Variants in KCNQ1 observed in about 807,000 individuals in gnomAD.
KCNQ1 encodes the protein potassium voltage-gated channel subfamily Q member 1, also known as potassium voltage-gated channel subfamily KQT member 1.
Under a neutral mutation model 72.4 loss-of-function variants are expected in KCNQ1, and 49 were observed. That is an observed-to-expected ratio of 0.68 (90% CI 0.54 to 0.86). KCNQ1 has a LOEUF of 0.86. Ranked by LOEUF, KCNQ1 falls within the 40% of genes least tolerant of loss-of-function variation. KCNQ1 has a pLI of 0.00. For missense variants in KCNQ1, 790 were observed against 945.1 expected (o/e 0.84, Z 2.15); for synonymous variants, 450 against 412.6 (o/e 1.09, Z -1.10).
Position 2,673,698 on chromosome 11 carries a change from G to T in KCNQ1, c.1514+11617G>T. ...TTTCCTATAAATGTTTAATTCCTGA[G>T]GTTGCTGAATCTCAGGGCTTGGAAG... On this transcript the variant is annotated intron_variant, in intron 11 of 15. Coordinates refer to ENST00000155840, the MANE Select transcript of KCNQ1 (RefSeq NM_000218.3). This position sits in a 1 kb window ranked among gnomAD's most constrained non-coding sequence, Gnocchi z 4.5. 2.5e-6 allele frequency: 1 copy of T among 398,614 alleles called. No individual in the cohort carries two copies. Among genetic ancestry groups the T allele is most frequent in the South Asian group, 1.3e-4 (1 of 7,850 alleles). 24.7% of individuals were successfully genotyped at this position (398,614 alleles called of 1,614,324 possible).
intron 10 of KCNQ1, among the ~76,000 whole-genome samples, chr11:2,594,462 C>T (rs1848709059): frequency 6.6e-6 from 1 of 152,168 alleles, no homozygotes; most frequent in African/African-American, 2.4e-5. Context: ...TTATGTCTTT[C>T]ATCAACCGTG....
chr11:2,799,937 G>A (rs1225104390), intron 15 of KCNQ1, among the ~76,000 whole-genome samples: 1 of 152,140 alleles, frequency 6.6e-6, no homozygotes, highest in African/African-American at 2.4e-5. Flanking sequence ...GTCTACCTGG[G>A]CGACCCCATT....
intron 11 of KCNQ1, among the ~76,000 whole-genome samples, chr11:2,747,755 G>A (rs1846162879): frequency 6.6e-6 from 1 of 152,170 alleles, no homozygotes. Flanking sequence ...AGGACTGGTT[G>A]CCCACAGGGA....
At chr11:2,523,751 G>GTTGT (rs761576167) in intron 1 of KCNQ1, among the ~76,000 whole-genome samples, 3 of 115,150 alleles carry the variant, frequency 2.6e-5, no homozygotes, top group Non-Finnish European at 5.1e-5. Flanking sequence ...GAAGTTTACA[G>GTTGT]TTTTTTTTTT....
At chr11:2,561,833 G>A (rs1848172050) in intron 2 of KCNQ1, among the ~76,000 whole-genome samples, 1 of 152,230 alleles carries the variant, frequency 6.6e-6, no homozygotes, top group Non-Finnish European at 1.5e-5. Context: ...AGGTGGGCCT[G>A]TTCCAGGCTA....
intron 11 of KCNQ1, among the ~76,000 whole-genome samples, chr11:2,763,401 A>AG (rs935487545): frequency 6.9e-5 from 5 of 72,228 alleles, no homozygotes; most frequent in Non-Finnish European, 1.4e-4. Flanking sequence ...CCATCTTAGA[A>AG]GAAAAAAAAA....
At chr11:2,452,362 C>T (rs1341720363) in intron 1 of KCNQ1, among the ~76,000 whole-genome samples, 2 of 152,102 alleles carry the variant, frequency 1.3e-5, no homozygotes, top group East Asian at 3.9e-4. Context: ...TGGAGACAGC[C>T]CAGCTGCACT....
Position 2,450,127 on chromosome 11 carries a change from A to G in KCNQ1, c.386+4643A>G, listed in dbSNP as rs1054427642. Among the ~76,000 whole-genome samples the G allele has an allele frequency of 2.0e-5, 3 of 152,160 alleles. No individual in the cohort carries two copies. Among genetic ancestry groups the G allele is most frequent in the African/African-American group, 7.2e-5 (3 of 41,438 alleles). ...TGGACGAGCCCTCCGTAGCCCTGACATTCCAAACTGGCTTTTGGCCCCTGC... is the reference window on the plus strand; with the variant it reads ...TGGACGAGCCCTCCGTAGCCCTGACGTTCCAAACTGGCTTTTGGCCCCTGC... On this transcript the variant is annotated intron_variant, in intron 1 of 15. Coordinates refer to ENST00000155840, the MANE Select transcript of KCNQ1 (RefSeq NM_000218.3). This position sits in a 1 kb window ranked among gnomAD's most constrained non-coding sequence, Gnocchi z 7.9.
At position 2,781,059 on chromosome 11, in the gene KCNQ1, A is replaced by G. The variant is rs1455113781; in HGVS notation, c.1794+3022A>G. 6.6e-6 allele frequency among the ~76,000 whole-genome samples: 1 copy of G among 151,940 alleles called. No homozygotes were observed. Among genetic ancestry groups the G allele is most frequent in the Admixed American group, 6.6e-5 (1 of 15,266 alleles). ...CCAGGGGCCTCCTCACAGCGAGTCT[A>G]CTTCCTGCGGGCCTCCCTCCCCTGT... On this transcript the variant is annotated intron_variant, in intron 15 of 15. Transcript: ENST00000155840. The surrounding 1 kb of genome is among the most constrained non-coding windows in gnomAD (Gnocchi z 6.6).
At chr11:2,610,243 T>C in intron 10 of KCNQ1, 3 of 398,052 alleles carry the variant, frequency 7.5e-6, no homozygotes, top group Admixed American at 4.4e-5. Flanking sequence ...TTTATATTAA[T>C]CCTGGTGAGA....
chr11:2,664,954 C>T lies in KCNQ1; in HGVS notation c.1514+2873C>T, dbSNP rs1590017277. The T allele has an allele frequency of 2.5e-6, 1 of 398,612 alleles. No individual in the cohort carries two copies. Among genetic ancestry groups the T allele is most frequent in the Non-Finnish European group, 4.4e-6 (1 of 226,078 alleles). 24.7% of individuals were successfully genotyped at this position (398,612 alleles called of 1,614,324 possible). A position where few individuals can be genotyped will look rare whatever the true frequency, so the allele number is the denominator to read the frequency against. ...CCCCAGAGAGGTGAGGTCACTATAG[C>T]CTTGATTACGGGAAGGTCCCTGGGG... On this transcript the variant is annotated intron_variant, in intron 11 of 15. Transcript: ENST00000155840. The surrounding 1 kb of genome is among the most constrained non-coding windows in gnomAD (Gnocchi z 5.1).
chr11:2,760,813 C>T (rs768498914), intron 11 of KCNQ1, among the ~76,000 whole-genome samples: 21 of 152,212 alleles, frequency 1.4e-4, no homozygotes, highest in African/African-American at 4.8e-4. Context: ...GGGTGTGGCT[C>T]GCTTCTTCAG....
intron 1 of KCNQ1, among the ~76,000 whole-genome samples, chr11:2,466,959 C>G (rs937992494): frequency 2.0e-5 from 3 of 152,208 alleles, no homozygotes. Flanking sequence ...GACCTGGCCA[C>G]AGTCTAGGGG....
At position 2,563,680 on chromosome 11, in the gene KCNQ1, A is replaced by G. The variant is rs549649012; in HGVS notation, c.478-6948A>G. ...TGGCATCCAGGGCCCCCCGTGAAGG[A>G]TGGCACCGAGCACCATTCAACATAA... On this transcript the variant is annotated intron_variant, in intron 2 of 15. Transcript: ENST00000155840. The surrounding 1 kb of genome is among the most constrained non-coding windows in gnomAD (Gnocchi z 7.4). 2.0e-5 allele frequency among the ~76,000 whole-genome samples: 3 copies of G among 151,966 alleles called. No individual in the cohort carries two copies. The highest frequency in any genetic ancestry group is 4.4e-5 in the Non-Finnish European group (3 of 67,954).
intron 2 of KCNQ1, among the ~76,000 whole-genome samples, chr11:2,560,907 C>T (rs956128864): frequency 3.9e-5 from 6 of 152,028 alleles, no homozygotes; most frequent in East Asian, 1.9e-4. Context: ...AGTGAGGCTG[C>T]GCGGTGCCCT....
chr11:2,722,641 A>G (rs1336775043), intron 11 of KCNQ1, among the ~76,000 whole-genome samples: 1 of 152,138 alleles, frequency 6.6e-6, no homozygotes, highest in Admixed American at 6.5e-5. Flanking sequence ...TGCCGTAGCC[A>G]GGGTCGGCAG....
At position 2,682,628 on chromosome 11, in the gene KCNQ1, C is replaced by T. The variant is rs1590029417; in HGVS notation, c.1514+20547C>T. 1 of 398,590 alleles carries T rather than the reference C, an allele frequency of 2.5e-6. No homozygotes were observed. Among genetic ancestry groups the T allele is most frequent in the Non-Finnish European group, 4.4e-6 (1 of 226,104 alleles). The allele number at this position is 398,590 out of a possible 1,614,324, so 24.7% of individuals were successfully genotyped here. A position where few individuals can be genotyped will look rare whatever the true frequency, so the allele number is the denominator to read the frequency against. ...TAAGGCTTGAGAGCTCTTCTTCAGG[C>T]TCAGTCATCCCTGCTTCCCCAGGGC... On this transcript the variant is annotated intron_variant, in intron 11 of 15. Coordinates refer to ENST00000155840, the MANE Select transcript of KCNQ1 (RefSeq NM_000218.3). This position sits in a 1 kb window ranked among gnomAD's most constrained non-coding sequence, Gnocchi z 5.8.
intron 11 of KCNQ1, chr11:2,666,891 C>G (rs1207018679): frequency 2.5e-6 from 1 of 398,662 alleles, no homozygotes; most frequent in Non-Finnish European, 4.4e-6. Context: ...ACCATTTTGT[C>G]TTTCTAGACC....
rs373680785 is a variant in KCNQ1, at chr11:2,520,549, CT to C, written c.387-7374del. ...GGTGAGGGGGGTGACCAGCTGGTAG[CT>C]TTTTCTGAGGTGCAGATTCAGCCCT... On this transcript the variant is annotated intron_variant, in intron 1 of 15. Transcript: ENST00000155840. Among the ~76,000 whole-genome samples, 27 of 152,264 alleles carry C rather than the reference CT, an allele frequency of 1.8e-4. No homozygotes were observed. The East Asian group carries it at 4.8e-3, about 27-fold the overall frequency.
Sources: gnomAD v4.1 joint callset for allele counts (sites outside exome capture counted in the v4.1 genomes callset) on GRCh38, gnomAD v4.1.1 for gene constraint, Gnocchi (gnomAD v3.1) non-coding constraint, MANE v1.5 for transcripts, NCBI Gene and HGNC (gene_info 2026-07-23, HGNC 2026-07-21) for gene names.